Variants in UBXN8 observed in about 807,000 individuals in gnomAD.
The protein encoded by UBXN8 is UBX domain-containing protein 8.
In UBXN8, 27 loss-of-function variants were observed where a neutral mutation model predicts 32.1. That is an observed-to-expected ratio of 0.84 (90% confidence interval 0.62 to 1.16). The LOEUF (loss-of-function observed/expected upper bound fraction) is 1.16. Among genes scored for constraint, UBXN8 ranks in the 50% most tolerant of loss-of-function variants. The pLI is 0.00. For synonymous variants in UBXN8, 109 were observed against 111.8 expected (o/e 0.98, Z 0.16); for missense variants, 306 against 311.4 (o/e 0.98, Z 0.13).
At chr8:30,744,128 C>A, upstream of UBXN8, 1 of 1,537,386 alleles carries the variant, frequency 6.5e-7, no homozygotes, top group Non-Finnish European at 8.9e-7. Flanking sequence ...GTTCCACTTC[C>A]TTCCCGGAAA....
chr8:30,740,151 CAA>C (rs915115616), upstream of UBXN8, among the ~76,000 whole-genome samples: 1 of 151,954 alleles, frequency 6.6e-6, no homozygotes, highest in Non-Finnish European at 1.5e-5. Flanking sequence ...CTCAGCCTCC[CAA>C]AGTGCTGGGA....
At chr8:30,732,098 C>T (rs879528362), upstream of UBXN8, 27 of 301,678 alleles carry the variant, frequency 8.9e-5, no homozygotes, top group Non-Finnish European at 1.4e-4. Flanking sequence ...TGGGAAGATC[C>T]GGAGTCAGGT....
intron 1 of UBXN8, among the ~76,000 whole-genome samples, chr8:30,745,323 G>A (rs1001374828): frequency 5.9e-5 from 9 of 152,168 alleles, no homozygotes; most frequent in African/African-American, 1.9e-4. Flanking sequence ...GGGGGACTGA[G>A]CAAACCTAGG....
chr8:30,730,895 A>G (rs1419836799), upstream of UBXN8, among the ~76,000 whole-genome samples: 1 of 152,268 alleles, frequency 6.6e-6, no homozygotes, highest in Non-Finnish European at 1.5e-5. Context: ...ATAGCTAACC[A>G]GGTGTTTGTA....
At chr8:30,758,518 C>G (rs1369219350) in intron 5 of UBXN8, among the ~76,000 whole-genome samples, 1 of 152,140 alleles carries the variant, frequency 6.6e-6, no homozygotes, top group Non-Finnish European at 1.5e-5. Context: ...TTAGGGAAAG[C>G]TGGGAGGCTG....
At chr8:30,736,622 A>T (rs536509033) in intron 1 of UBXN8, among the ~76,000 whole-genome samples, 1 of 152,122 alleles carries the variant, frequency 6.6e-6, no homozygotes, top group East Asian at 1.9e-4. Flanking sequence ...TCAGGCACCC[A>T]CCACCATGCC....
At chr8:30,732,493 T>C (rs1413603398), upstream of UBXN8, 10 of 346,562 alleles carry the variant, frequency 2.9e-5, no homozygotes, top group Admixed American at 4.7e-4. Context: ...TTAGGGGCTG[T>C]GGGGTTTTGC....
At chr8:30,743,586 G>A (rs1805265314), upstream of UBXN8, among the ~76,000 whole-genome samples, 1 of 152,204 alleles carries the variant, frequency 6.6e-6, no homozygotes, top group Non-Finnish European at 1.5e-5. Context: ...ACAATAACGC[G>A]TGCAGGCAAA....
intron 1 of UBXN8, 181 bp downstream of exon 1, chr8:30,744,458 C>T (rs1805307235): frequency 3.1e-6 from 2 of 641,026 alleles, no homozygotes; most frequent in African/African-American, 1.8e-5. Flanking sequence ...CTTTTCCCTC[C>T]AGGTGTGATG....
chr8:30,754,314 G>T (rs1357336575), intron 3 of UBXN8: 2 of 390,590 alleles, frequency 5.1e-6, no homozygotes, highest in African/African-American at 4.2e-5. Flanking sequence ...GATGGCACTT[G>T]GTTTCCCATT....
chr8:30,739,413 G>A (rs11985055), upstream of UBXN8, among the ~76,000 whole-genome samples: 657 of 151,598 alleles, frequency 4.3e-3, 6 homozygotes, highest in African/African-American at 0.015. Context: ...GCGTGGTGGC[G>A]GGCGCCTGTA....
intron 1 of UBXN8, among the ~76,000 whole-genome samples, chr8:30,749,400 A>ATAAAT (rs1554577891): frequency 2.9e-5 from 4 of 137,394 alleles, no homozygotes; most frequent in African/African-American, 1.2e-4. Flanking sequence ...CTCAAAAAAA[A>ATAAAT]AAAATAAAAT....
chr8:30,742,619 G>A (rs911136392), upstream of UBXN8, among the ~76,000 whole-genome samples: 1 of 152,156 alleles, frequency 6.6e-6, no homozygotes, highest in Non-Finnish European at 1.5e-5. Context: ...TGAGAATACA[G>A]GAGTGAGCTA....
At position 30,751,478 on chromosome 8, in the gene UBXN8, A is replaced by T. The variant is rs1322364684; in HGVS notation, c.171A>T (p.Ser57=). The change falls in exon 2 of 8, where the codon TCA becomes TCT. Residue 57 remains serine (S), a synonymous_variant. Coordinates refer to ENST00000265616, the MANE Select transcript of UBXN8 (RefSeq NM_005671.4). ...LLTLTISVTT[S]WLNSFKSPQV... is the part of the protein sequence containing the mutation. ...CTTTAACTATTTCTGTGACTACCTC[A>T]TGGCTTAACTCATTTAAATCTCCCC... 6.2e-7 allele frequency: 1 copy of T among 1,611,252 alleles called. No individual in the cohort carries two copies. Among genetic ancestry groups the T allele is most frequent in the South Asian group, 1.1e-5 (1 of 90,434 alleles).
chr8:30,736,175 C>T (rs1210257851), intron 1 of UBXN8, among the ~76,000 whole-genome samples: 1 of 152,040 alleles, frequency 6.6e-6, no homozygotes, highest in Non-Finnish European at 1.5e-5. Flanking sequence ...AGGCAGAGAA[C>T]AATAACTATA....
At chr8:30,738,280 G>A (rs2956002) in intron 1 of UBXN8, among the ~76,000 whole-genome samples, 148,727 of 152,226 alleles carry the variant, frequency 0.98, 72,752 homozygotes, top group Middle Eastern at 1. Context: ...GCTACTCAGG[G>A]GGCTGAGGCA....
At chr8:30,749,753 C>G (rs1805469693) in intron 1 of UBXN8, among the ~76,000 whole-genome samples, 1 of 151,772 alleles carries the variant, frequency 6.6e-6, no homozygotes, top group African/African-American at 2.4e-5. Flanking sequence ...CTACAGGTAC[C>G]CGCCACCGCG....
rs139331251 is a variant in UBXN8 at position 30,750,199 on chromosome 8, T to C, written c.89-1197T>C. ...GAGACTATTCAGAAAGGGCTGGGTG[T>C]GGTGGCTCACACCTACAATCCCAGG... On this transcript the variant is annotated intron_variant, in intron 1 of 7. Coordinates refer to ENST00000265616, the MANE Select transcript of UBXN8 (RefSeq NM_005671.4). Among the ~76,000 whole-genome samples, 585 of 152,060 alleles carry C rather than the reference T, an allele frequency of 3.8e-3. 2 individuals are homozygous for C. The highest frequency in any genetic ancestry group is 0.013 in the African/African-American group (536 of 41,512).
chr8:30,765,392 AC>A (rs1335878502), intron 7 of UBXN8, among the ~76,000 whole-genome samples: 1 of 151,656 alleles, frequency 6.6e-6, no homozygotes, highest in Non-Finnish European at 1.5e-5. Flanking sequence ...CTTGCACCTC[AC>A]CTCCTGAGTA....
Sources: allele counts gnomAD v4.1 joint callset (sites outside exome capture counted in the v4.1 genomes callset), GRCh38; gene constraint gnomAD v4.1.1; transcripts MANE v1.5; gene names NCBI Gene and HGNC (gene_info 2026-07-23, HGNC 2026-07-21).